RNF216: variants seen among roughly 807,000 people sequenced by gnomAD.
RNF216 encodes E3 ubiquitin-protein ligase RNF216.
RNF216 carries 72 observed loss-of-function variants against 110.8 expected under a neutral mutation model. That is an observed-to-expected ratio of 0.65 (90% CI 0.54 to 0.79). The LOEUF is 0.79. RNF216 is among the 30% of genes least tolerant of loss of function. The pLI, the probability that RNF216 is intolerant of heterozygous loss-of-function variation, is 0.00. For synonymous variants in RNF216, 495 were observed against 407.5 expected (o/e 1.21, Z -2.59); for missense variants, 1,342 against 1,141.2 (o/e 1.18, Z -2.54).
At chr7:5,625,747 G>A (rs1339044874) in intron 15 of RNF216, among the ~76,000 whole-genome samples, 3 of 152,256 alleles carry the variant, frequency 2.0e-5, no homozygotes, top group Non-Finnish European at 4.4e-5. Context: ...CAGAAAGGCA[G>A]ATGGACTGAG....
At position 5,690,462 on chromosome 7, in the gene RNF216, C is replaced by T. The variant is rs1727400719; in HGVS notation, c.2061+21299G>A. Among the ~76,000 whole-genome samples, 4 of 152,058 alleles carry T rather than the reference C, an allele frequency of 2.6e-5. No homozygotes were observed. The South Asian group carries it at 8.3e-4, about 32-fold the overall frequency. On this transcript the variant is annotated intron_variant, in intron 13 of 16. Transcript: ENST00000389902. The stretch of plus-strand genomic sequence containing the variant: ...AAGGTTTCCCAGGTAGTATTAAAGA[C>T]CTGGAATCTATCAGCTGCTGCCACA...
At chr7:5,648,408 G>A (rs1303760654) in intron 14 of RNF216, among the ~76,000 whole-genome samples, 1 of 151,180 alleles carries the variant, frequency 6.6e-6, no homozygotes, top group Non-Finnish European at 1.5e-5. Flanking sequence ...TGCCTGATTA[G>A]ATCTAAATTT....
intron 8 of RNF216, among the ~76,000 whole-genome samples, chr7:5,722,939 G>C (rs73341621): frequency 1.3e-5 from 2 of 151,692 alleles, no homozygotes; most frequent in Non-Finnish European, 2.9e-5. Flanking sequence ...AGTGGACTCC[G>C]TCTTAAAATT....
chr7:5,739,576 A>G, intron 4 of RNF216: 1 of 619,910 alleles, frequency 1.6e-6, no homozygotes, highest in Non-Finnish European at 3.0e-6. Flanking sequence ...CTCTGTCCCC[A>G]TTTTACAGAT....
chr7:5,758,921 G>A (rs1795784276), intron 2 of RNF216, among the ~76,000 whole-genome samples: 1 of 152,098 alleles, frequency 6.6e-6, no homozygotes, highest in South Asian at 2.1e-4. Flanking sequence ...GAGGGGCTGG[G>A]GTGGAATAGT....
chr7:5,685,594 C>T (rs1201638942), intron 13 of RNF216, among the ~76,000 whole-genome samples: 5 of 152,156 alleles, frequency 3.3e-5, no homozygotes, highest in Non-Finnish European at 7.3e-5. Flanking sequence ...AAAGACAAAG[C>T]GGTGAGCTAA....
At chr7:5,737,142 A>T (rs1448260150) in intron 5 of RNF216, among the ~76,000 whole-genome samples, 1 of 152,234 alleles carries the variant, frequency 6.6e-6, no homozygotes, top group Non-Finnish European at 1.5e-5. Context: ...TGTAGAAAGA[A>T]GTAGACATAG....
rs1209779309 is a variant in RNF216 at position 5,711,774 on chromosome 7, G to A, written c.2048C>T (p.Pro683Leu). 1.2e-5 allele frequency: 20 copies of A among 1,613,550 alleles called. No homozygotes were observed. The highest frequency in any genetic ancestry group is 1.6e-5 in the Non-Finnish European group (19 of 1,179,772). Residue 683 changes from proline (P) to leucine (L), a missense_variant, in exon 13 of 17, where the codon CCT (proline) becomes CTT (leucine). Coordinates refer to ENST00000389902, the MANE Select transcript of RNF216 (RefSeq NM_207111.4). ...SDVKRFSCPN[P>L]HCRKETCRKC... The stretch of plus-strand genomic sequence containing the variant: ...GTGCCTCCCTACCTTTCGGCAGTGA[G>A]GATTAGGACAGCTGAACCTCTTCAC...
At chr7:5,637,771 A>T (rs1472748817) in intron 15 of RNF216, among the ~76,000 whole-genome samples, 1 of 152,068 alleles carries the variant, frequency 6.6e-6, no homozygotes, top group Non-Finnish European at 1.5e-5. Flanking sequence ...AACTCCTGAG[A>T]CTCAAGAGAT....
intron 13 of RNF216, among the ~76,000 whole-genome samples, chr7:5,677,010 A>G (rs974977596): frequency 6.6e-6 from 1 of 152,180 alleles, no homozygotes; most frequent in Admixed American, 6.5e-5. Flanking sequence ...CACCAACCAC[A>G]TGAAACGAAC....
chr7:5,730,402 C>T (rs544536049), intron 6 of RNF216, among the ~76,000 whole-genome samples: 2 of 152,182 alleles, frequency 1.3e-5, no homozygotes, highest in East Asian at 3.9e-4. Context: ...GAGTTTTGGC[C>T]AATTCTTGTT....
intron 14 of RNF216, among the ~76,000 whole-genome samples, chr7:5,645,045 G>T (rs888229739): frequency 1.3e-5 from 2 of 151,814 alleles, no homozygotes; most frequent in Non-Finnish European, 2.9e-5. Context: ...TCGAACTCCT[G>T]ATCTCGTGAT....
intron 15 of RNF216, among the ~76,000 whole-genome samples, chr7:5,635,652 G>C (rs1339983723): frequency 2.0e-5 from 3 of 152,186 alleles, no homozygotes; most frequent in Admixed American, 6.5e-5. Flanking sequence ...GCTGGCCTGA[G>C]GGGAGAAGGC....
intron 13 of RNF216, among the ~76,000 whole-genome samples, chr7:5,677,587 T>C (rs1790384116): frequency 6.6e-6 from 1 of 152,226 alleles, no homozygotes; most frequent in Non-Finnish European, 1.5e-5. Context: ...TAACCATTTG[T>C]CTGTCTTTTA....
At chr7:5,667,997 T>A (rs1478647284) in intron 13 of RNF216, among the ~76,000 whole-genome samples, 1 of 152,124 alleles carries the variant, frequency 6.6e-6, no homozygotes, top group Non-Finnish European at 1.5e-5. Context: ...TAACTTCGCG[T>A]TGGTATTTTA....
chr7:5,767,018 A>G (rs1238948544), intron 1 of RNF216: 1 of 152,252 alleles, frequency 6.6e-6, no homozygotes, highest in African/African-American at 2.4e-5. Flanking sequence ...CTTTACATGC[A>G]TAACACAGCT....
intron 1 of RNF216, among the ~76,000 whole-genome samples, chr7:5,762,366 C>T (rs1795979260): frequency 7.3e-5 from 11 of 151,108 alleles, no homozygotes; most frequent in Non-Finnish European, 1.5e-4. Flanking sequence ...CTATTAAAAA[C>T]ACACACACAG....
At chr7:5,667,678 G>A (rs571889971) in intron 13 of RNF216, among the ~76,000 whole-genome samples, 2 of 152,346 alleles carry the variant, frequency 1.3e-5, no homozygotes, top group South Asian at 2.1e-4. Flanking sequence ...GGGTTTTGCT[G>A]GGAATCTTGG....
intron 13 of RNF216, among the ~76,000 whole-genome samples, chr7:5,709,729 C>A (rs1322315401): frequency 6.8e-6 from 1 of 146,160 alleles, no homozygotes; most frequent in East Asian, 2.1e-4. Context: ...GTTCCAGACT[C>A]ATGTGTGCCC....
Sources: allele counts gnomAD v4.1 joint callset (sites outside exome capture counted in the v4.1 genomes callset), GRCh38; gene constraint gnomAD v4.1.1; transcripts MANE v1.5; gene names NCBI Gene and HGNC (gene_info 2026-07-23, HGNC 2026-07-21).